SEMA3A: variants seen among roughly 807,000 people sequenced by gnomAD.
The protein encoded by SEMA3A is semaphorin-3A.
SEMA3A carries 29 observed loss-of-function variants against 97.9 expected under a neutral mutation model. The ratio of observed to expected loss-of-function variants is 0.30; its 90% CI spans 0.22 to 0.40. The LOEUF is 0.40. SEMA3A is among the 10% of genes least tolerant of loss of function. The pLI, the probability that SEMA3A is intolerant of heterozygous loss-of-function variation, is 1.00. For missense variants in SEMA3A, 763 were observed against 951.3 expected (o/e 0.80, Z 2.60); for synonymous variants, 321 against 323.7 (o/e 0.99, Z 0.09).
At chr7:84,091,254 C>T (rs371222201) in intron 4 of SEMA3A, among the ~76,000 whole-genome samples, 31 of 58,196 alleles carry the variant, frequency 5.3e-4, no homozygotes, top group African/African-American at 1.7e-3. Flanking sequence ...AAGGAAAGAA[C>T]GAAGGAAAGA....
intron 1 of SEMA3A, among the ~76,000 whole-genome samples, chr7:84,443,276 G>A (rs1160798796): frequency 6.6e-6 from 1 of 151,780 alleles, no homozygotes; most frequent in African/African-American, 2.4e-5. Flanking sequence ...CAAAGTACAA[G>A]GGAACTTCAA....
intron 1 of SEMA3A, among the ~76,000 whole-genome samples, chr7:84,409,454 A>G (rs1008237518): frequency 9.9e-5 from 15 of 152,060 alleles, no homozygotes; most frequent in Admixed American, 2.0e-4. Flanking sequence ...CTTTCACATT[A>G]GCCCTTTTTG....
At chr7:84,317,063 C>A (rs10488590) in intron 2 of SEMA3A, among the ~76,000 whole-genome samples, 4,922 of 152,084 alleles carry the variant, frequency 0.032, 87 homozygotes, top group South Asian at 0.06. Flanking sequence ...TGAGATTTGG[C>A]TTATGGACCC....
At chr7:84,236,929 C>A (rs1275454392) in intron 3 of SEMA3A, among the ~76,000 whole-genome samples, 2 of 151,716 alleles carry the variant, frequency 1.3e-5, no homozygotes, top group Admixed American at 6.6e-5. Flanking sequence ...TGTTAATTAC[C>A]TGGAAAAAAA....
At chr7:84,092,696 G>C (rs1794637286) in intron 4 of SEMA3A, among the ~76,000 whole-genome samples, 1 of 152,080 alleles carries the variant, frequency 6.6e-6, no homozygotes, top group Non-Finnish European at 1.5e-5. Context: ...GTATTAGCCA[G>C]ATTGGTTTTA....
intron 2 of SEMA3A, among the ~76,000 whole-genome samples, chr7:84,308,112 G>A (rs1801210338): frequency 1.3e-5 from 2 of 151,790 alleles, no homozygotes; most frequent in Admixed American, 6.6e-5. Flanking sequence ...AAAGATACAG[G>A]TTCTAAAGTA....
intron 2 of SEMA3A, among the ~76,000 whole-genome samples, chr7:84,359,267 C>T (rs553999478): frequency 0.052 from 7,872 of 151,936 alleles, 687 homozygotes; most frequent in African/African-American, 0.18. Flanking sequence ...ATGATATTGG[C>T]TGTGGGTTTG....
In SEMA3A at chr7:84,264,697, G is replaced by A. The variant is rs1352919878; in HGVS notation, c.-83+42510C>T. On this transcript the variant is annotated intron_variant, in intron 3 of 3. Transcript: ENST00000424555. ...AAAATCCAGTTTGTAATTTGGGTGG[G>A]TAGGGCGAGGGTTTGGAAGGTCTTT... Among the ~76,000 whole-genome samples, 5 of 152,258 alleles carry A rather than the reference G, an allele frequency of 3.3e-5. No individual in the cohort carries two copies. The South Asian group carries it at 1.0e-3, about 32-fold the overall frequency.
At chr7:84,133,474 A>G (rs1796023740) in intron 2 of SEMA3A, among the ~76,000 whole-genome samples, 2 of 152,188 alleles carry the variant, frequency 1.3e-5, no homozygotes, top group South Asian at 4.1e-4. Context: ...AAAAATTATC[A>G]TCAAATCTGC....
intron 3 of SEMA3A, among the ~76,000 whole-genome samples, chr7:84,253,458 G>A (rs1799653074): frequency 6.6e-6 from 1 of 151,932 alleles, no homozygotes; most frequent in South Asian, 2.1e-4. Context: ...GGTCAGTTTT[G>A]TAGAGATAAA....
chr7:84,059,124 C>A (rs1047275421), intron 5 of SEMA3A, among the ~76,000 whole-genome samples: 1 of 152,064 alleles, frequency 6.6e-6, no homozygotes, highest in Non-Finnish European at 1.5e-5. Context: ...TGACTCCTAC[C>A]CTTTGTTTAA....
chr7:84,383,082 A>G (rs1421027137), intron 1 of SEMA3A, among the ~76,000 whole-genome samples: 1 of 152,132 alleles, frequency 6.6e-6, no homozygotes, highest in East Asian at 1.9e-4. Flanking sequence ...AATTCTCTCT[A>G]AAGTTTTAGC....
intron 3 of SEMA3A, among the ~76,000 whole-genome samples, chr7:84,224,172 A>G (rs1014741867): frequency 6.6e-6 from 1 of 151,956 alleles, no homozygotes; most frequent in Non-Finnish European, 1.5e-5. Context: ...TACTAATTTA[A>G]AGGCGACTAA....
chr7:84,437,977 C>T (rs1470912339), intron 1 of SEMA3A, among the ~76,000 whole-genome samples: 1 of 151,964 alleles, frequency 6.6e-6, no homozygotes, highest in Non-Finnish European at 1.5e-5. Flanking sequence ...GAACATGAAA[C>T]TTGCTGGCTA....
intron 2 of SEMA3A, among the ~76,000 whole-genome samples, chr7:84,367,486 C>G (rs1802876267): frequency 6.7e-6 from 1 of 149,858 alleles, no homozygotes; most frequent in Admixed American, 6.7e-5. Context: ...ATAGTTTTGC[C>G]AAATATTTCT....
At chr7:84,027,781 C>G (rs1265769084) in intron 6 of SEMA3A, among the ~76,000 whole-genome samples, 1 of 152,172 alleles carries the variant, frequency 6.6e-6, no homozygotes, top group Non-Finnish European at 1.5e-5. Context: ...AAGTTAACAT[C>G]TCTGTCTTGA....
intron 3 of SEMA3A, among the ~76,000 whole-genome samples, chr7:84,215,108 C>A (rs573537953): frequency 6.6e-6 from 1 of 150,530 alleles, no homozygotes. Context: ...CCTGACCTCA[C>A]GATTTGTCTG....
intron 15 of SEMA3A, among the ~76,000 whole-genome samples, chr7:83,970,400 A>T (rs1415496234): frequency 6.6e-6 from 1 of 152,166 alleles, no homozygotes; most frequent in African/African-American, 2.4e-5. Context: ...CTTATTTAGC[A>T]TTTGATTCTC....
chr7:84,054,776 C>T (rs1356092975), intron 5 of SEMA3A, among the ~76,000 whole-genome samples: 13 of 147,106 alleles, frequency 8.8e-5, no homozygotes, highest in Non-Finnish European at 1.7e-4. Flanking sequence ...GGAGGAGAGG[C>T]GCTCTGCTTT....
Sources: allele counts gnomAD v4.1 joint callset (sites outside exome capture counted in the v4.1 genomes callset), GRCh38; gene constraint gnomAD v4.1.1; transcripts MANE v1.5; gene names NCBI Gene and HGNC (gene_info 2026-07-23, HGNC 2026-07-21).